Variants in SPIRE1 observed in about 807,000 individuals in gnomAD.
SPIRE1 encodes the protein protein spire homolog 1.
Under a neutral mutation model 94.1 loss-of-function variants are expected in SPIRE1, and 40 were observed. That is an observed-to-expected ratio of 0.43 (90% CI 0.33 to 0.55). The LOEUF is 0.55. SPIRE1 is among the 20% of genes least tolerant of loss of function. The pLI, the probability that SPIRE1 is intolerant of heterozygous loss-of-function variation, is 0.06. For synonymous variants in SPIRE1, 376 were observed against 371.7 expected (o/e 1.01, Z -0.13); for missense variants, 838 against 975.2 (o/e 0.86, Z 1.87).
chr18:12,630,640 G>A (rs1034236129), intron 2 of SPIRE1, among the ~76,000 whole-genome samples: 16 of 152,180 alleles, frequency 1.1e-4, no homozygotes, highest in African/African-American at 2.7e-4. Context: ...GCCTGGGCAA[G>A]AGCAAGACTC....
chr18:12,635,390 C>T (rs993503556), intron 1 of SPIRE1, among the ~76,000 whole-genome samples: 1 of 152,016 alleles, frequency 6.6e-6, no homozygotes, highest in African/African-American at 2.4e-5. Flanking sequence ...CAAACAAAAA[C>T]ATTTGAAAGT....
At chr18:12,550,586 C>A (rs1348257626) in intron 2 of SPIRE1, among the ~76,000 whole-genome samples, 1 of 151,904 alleles carries the variant, frequency 6.6e-6, no homozygotes, top group Non-Finnish European at 1.5e-5. Flanking sequence ...AGTTTTGAAC[C>A]CCTGGGCTCG....
intron 2 of SPIRE1, among the ~76,000 whole-genome samples, chr18:12,549,461 T>G (rs957683395): frequency 6.9e-5 from 8 of 116,372 alleles, no homozygotes; most frequent in African/African-American, 2.4e-4. Context: ...TTTTTTTTTT[T>G]TTTTTTTTGG....
At chr18:12,463,105 T>C (rs2031935321) in intron 12 of SPIRE1, among the ~76,000 whole-genome samples, 1 of 152,172 alleles carries the variant, frequency 6.6e-6, no homozygotes, top group Admixed American at 6.5e-5. Flanking sequence ...TCTCACAATG[T>C]TGCTCAGGCT....
intron 2 of SPIRE1, among the ~76,000 whole-genome samples, chr18:12,608,705 A>C (rs2037055324): frequency 2.0e-5 from 3 of 152,190 alleles, no homozygotes; most frequent in Admixed American, 1.3e-4. Flanking sequence ...CTTTGTAATA[A>C]AGCTTTACAT....
At chr18:12,466,278 G>A (rs1035859091) in intron 10 of SPIRE1, among the ~76,000 whole-genome samples, 2 of 151,570 alleles carry the variant, frequency 1.3e-5, no homozygotes, top group African/African-American at 4.9e-5. Context: ...AGTATCTATA[G>A]ATATATATAT....
At chr18:12,569,966 A>G (rs1292071483) in intron 2 of SPIRE1, among the ~76,000 whole-genome samples, 1 of 152,236 alleles carries the variant, frequency 6.6e-6, no homozygotes, top group Non-Finnish European at 1.5e-5. Context: ...TGGGGTCAAC[A>G]GACACACAGA....
chr18:12,580,741 G>T (rs993182111), intron 2 of SPIRE1, among the ~76,000 whole-genome samples: 1 of 152,096 alleles, frequency 6.6e-6, no homozygotes, highest in Admixed American at 6.5e-5. Flanking sequence ...ATAACTCTCA[G>T]TCACATGCAG....
At chr18:12,481,259 T>C (rs572701604) in intron 9 of SPIRE1, among the ~76,000 whole-genome samples, 24 of 151,836 alleles carry the variant, frequency 1.6e-4, no homozygotes, top group Middle Eastern at 6.8e-3. Context: ...TGAGACTGTG[T>C]CTCAAAAAAA....
chr18:12,537,584 GT>G (rs951796050), intron 3 of SPIRE1, among the ~76,000 whole-genome samples: 11 of 152,152 alleles, frequency 7.2e-5, no homozygotes, highest in Admixed American at 4.6e-4. Context: ...TCTAAAAAAT[GT>G]TTTTTTAAAT....
chr18:12,573,413 T>C (rs1439395536), intron 2 of SPIRE1, among the ~76,000 whole-genome samples: 1 of 152,126 alleles, frequency 6.6e-6, no homozygotes, highest in Non-Finnish European at 1.5e-5. Context: ...AATTTAGCAG[T>C]TTCTTACAAA....
At chr18:12,523,876 A>G (rs958454132) in intron 4 of SPIRE1, among the ~76,000 whole-genome samples, 3 of 152,158 alleles carry the variant, frequency 2.0e-5, no homozygotes, top group African/African-American at 7.2e-5. Flanking sequence ...TTTTTTGCAG[A>G]GATAGGATCT....
chr18:12,481,933 C>T (rs1040567431), intron 9 of SPIRE1, among the ~76,000 whole-genome samples: 3 of 152,178 alleles, frequency 2.0e-5, no homozygotes, highest in Admixed American at 1.3e-4. Context: ...CACACACCTT[C>T]CACCTTTCCT....
chr18:12,567,166 TA>T (rs2035841471), intron 2 of SPIRE1, among the ~76,000 whole-genome samples: 2 of 152,206 alleles, frequency 1.3e-5, no homozygotes, highest in Non-Finnish European at 2.9e-5. Flanking sequence ...ATCATTTTAA[TA>T]CATATCAGCA....
Position 12,541,906 on chromosome 18 carries a change from G to C in SPIRE1, c.603+4768C>G, listed in dbSNP as rs565927477. On this transcript the variant is annotated intron_variant, in intron 3 of 16. Coordinates refer to ENST00000409402, the MANE Select transcript of SPIRE1 (RefSeq NM_001128626.2). ...AAATTAACTTTGATAATATATTTTA[G>C]TTAACCCAATACAATAATATATATT... 4.6e-5 allele frequency among the ~76,000 whole-genome samples: 7 copies of C among 151,126 alleles called. No individual in the cohort carries two copies. The South Asian group carries it at 1.5e-3, about 32-fold the overall frequency.
chr18:12,566,610 TAG>T (rs2035826903), intron 2 of SPIRE1, among the ~76,000 whole-genome samples: 1 of 152,092 alleles, frequency 6.6e-6, no homozygotes, highest in Non-Finnish European at 1.5e-5. Context: ...TATCAAGAGG[TAG>T]AGTGTTATTT....
chr18:12,547,797 C>T (rs2035216789), intron 2 of SPIRE1, among the ~76,000 whole-genome samples: 2 of 152,102 alleles, frequency 1.3e-5, no homozygotes, highest in Admixed American at 6.5e-5. Context: ...CAAAAATGAG[C>T]TGGGCGTGGT....
At chr18:12,534,730 CA>C (rs561178282) in intron 4 of SPIRE1, among the ~76,000 whole-genome samples, 64 of 152,290 alleles carry the variant, frequency 4.2e-4, no homozygotes, top group African/African-American at 1.3e-3. Flanking sequence ...TCTCAGCCTC[CA>C]TAATGACATG....
At chr18:12,464,835 C>G in intron 11 of SPIRE1, 33 bp downstream of exon 11, 5 of 1,576,460 alleles carry the variant, frequency 3.2e-6, no homozygotes, top group Non-Finnish European at 4.4e-6. Flanking sequence ...AGTAAGACAT[C>G]CGACTACAGC....
Sources: gnomAD v4.1 joint callset for allele counts (sites outside exome capture counted in the v4.1 genomes callset) on GRCh38, gnomAD v4.1.1 for gene constraint, MANE v1.5 for transcripts, NCBI Gene and HGNC (gene_info 2026-07-23, HGNC 2026-07-21) for gene names.